RANBP2: variants seen among roughly 807,000 people sequenced by gnomAD.
The protein encoded by RANBP2 is RAN binding protein 2, also known as E3 SUMO-protein ligase RanBP2.
In RANBP2, 57 loss-of-function variants were observed where a neutral mutation model predicts 303.6. The observed-to-expected ratio is 0.19, with a 90% CI of 0.15 to 0.23. The LOEUF (loss-of-function observed/expected upper bound fraction) is 0.23, where lower values mean the gene tolerates loss of function less well. Among genes scored for constraint, RANBP2 ranks in the 10% least tolerant of loss-of-function variants. The pLI, the probability that RANBP2 is intolerant of heterozygous loss-of-function variation, is 1.00. For missense variants in RANBP2, 3,138 were observed against 3,780.8 expected (o/e 0.83, Z 4.46); for synonymous variants, 1,167 against 1,301.5 (o/e 0.90, Z 2.23).
At chr2:108,772,832 C>G in intron 22 of RANBP2, 36 bp from the exon 23 acceptor site, 1 of 1,604,190 alleles carries the variant, frequency 6.2e-7, no homozygotes. Flanking sequence ...TGGGCTTCAT[C>G]TAATTTCGTT....
chr2:109,442,304 C>G, the RANBP2 span, among the ~76,000 whole-genome samples: 1 of 144,170 alleles, frequency 6.9e-6, no homozygotes. Context: ...GAGTGAGACT[C>G]CACCTCAAAA....
At chr2:108,885,723 G>A in the RANBP2 span, among the ~76,000 whole-genome samples, 1 of 152,254 alleles carries the variant, frequency 6.6e-6, no homozygotes, top group South Asian at 2.1e-4. Flanking sequence ...CTTACTGTAT[G>A]TTTGTACACT....
chr2:109,046,036 G>T, the RANBP2 span, among the ~76,000 whole-genome samples: 5 of 152,118 alleles, frequency 3.3e-5, no homozygotes, highest in African/African-American at 1.2e-4. Context: ...CGGGCATGGT[G>T]TCTCACACCT....
chr2:109,373,706 G>A, the RANBP2 span, among the ~76,000 whole-genome samples: 1 of 152,152 alleles, frequency 6.6e-6, no homozygotes, highest in African/African-American at 2.4e-5. Flanking sequence ...CCTGATCTCG[G>A]GAGAGCTGCA....
chr2:109,332,026 G>A, the RANBP2 span, among the ~76,000 whole-genome samples: 1 of 152,164 alleles, frequency 6.6e-6, no homozygotes, highest in Non-Finnish European at 1.5e-5. Flanking sequence ...AGCGGTTACC[G>A]GAAATCTGTG....
At chr2:109,615,460 T>G in the RANBP2 span, 12 of 1,613,244 alleles carry the variant, frequency 7.4e-6, no homozygotes, top group South Asian at 1.1e-5. Flanking sequence ...CTAGTCAACT[T>G]CGCCAACAAA....
At chr2:109,410,727 G>A in the RANBP2 span, among the ~76,000 whole-genome samples, 3 of 152,238 alleles carry the variant, frequency 2.0e-5, no homozygotes, top group East Asian at 3.8e-4. Flanking sequence ...CCATTATGGA[G>A]CCTTTTAAAA....
the RANBP2 span, among the ~76,000 whole-genome samples, chr2:108,819,412 C>T: frequency 6.6e-6 from 1 of 152,194 alleles, no homozygotes; most frequent in African/African-American, 2.4e-5. Context: ...GACTGGTCTG[C>T]ATCTCACCTC....
chr2:109,245,185 C>T, the RANBP2 span, among the ~76,000 whole-genome samples: 52 of 152,258 alleles, frequency 3.4e-4, no homozygotes, highest in Non-Finnish European at 6.9e-4. Flanking sequence ...CATGTGGCTT[C>T]TGTGCTCCTG....
chr2:108,753,192 T>C (rs756228547), intron 13 of RANBP2, 33 bp downstream of exon 13: 5 of 1,611,456 alleles, frequency 3.1e-6, no homozygotes, highest in South Asian at 1.1e-5. Context: ...TTATTGGAGA[T>C]GGGAATTTCC....
the RANBP2 span, among the ~76,000 whole-genome samples, chr2:108,962,211 G>A: frequency 6.1e-3 from 934 of 152,324 alleles, 12 homozygotes; most frequent in African/African-American, 0.022. Flanking sequence ...ATTGCGCTGA[G>A]ATGCTCGGAC....
chr2:108,907,661 AC>A, the RANBP2 span, among the ~76,000 whole-genome samples: 4 of 145,950 alleles, frequency 2.7e-5, no homozygotes, highest in East Asian at 2.0e-4. Context: ...AAAAAAAAAA[AC>A]AAAACTCAAA....
the RANBP2 span, among the ~76,000 whole-genome samples, chr2:109,052,321 C>A: frequency 6.6e-6 from 1 of 152,084 alleles, no homozygotes; most frequent in Non-Finnish European, 1.5e-5. Flanking sequence ...TAAAAATAAA[C>A]GCAGATGGTA....
At chr2:108,817,624 C>T in the RANBP2 span, among the ~76,000 whole-genome samples, 4 of 152,190 alleles carry the variant, frequency 2.6e-5, no homozygotes, top group African/African-American at 9.6e-5. Context: ...GAATTGCCCT[C>T]AGCTGACAGT....
the RANBP2 span, among the ~76,000 whole-genome samples, chr2:109,736,851 C>A: frequency 5.3e-5 from 8 of 151,954 alleles, no homozygotes; most frequent in Non-Finnish European, 1.0e-4. Flanking sequence ...ATGGTCACTC[C>A]CTTCAGCCCA....
chr2:108,843,174 T>C, the RANBP2 span, among the ~76,000 whole-genome samples: 1 of 152,078 alleles, frequency 6.6e-6, no homozygotes, highest in Non-Finnish European at 1.5e-5. Flanking sequence ...TCTTTTTCTT[T>C]TGAGGCAGGG....
At chr2:108,886,672 A>G in the RANBP2 span, among the ~76,000 whole-genome samples, 1 of 151,800 alleles carries the variant, frequency 6.6e-6, no homozygotes, top group African/African-American at 2.4e-5. Flanking sequence ...TCGGCCTCCC[A>G]AAGTGCTGGG....
the RANBP2 span, among the ~76,000 whole-genome samples, chr2:109,340,299 C>T: frequency 5.9e-5 from 9 of 152,098 alleles, no homozygotes; most frequent in Admixed American, 1.3e-4. Context: ...CTGTAAGGAT[C>T]CTGTGGGTCT....
At chr2:109,578,420 A>G in the RANBP2 span, among the ~76,000 whole-genome samples, 1 of 152,236 alleles carries the variant, frequency 6.6e-6, no homozygotes, top group Non-Finnish European at 1.5e-5. Context: ...ACTACGTAAT[A>G]ATAAAAGTGT....
Sources: allele counts gnomAD v4.1 joint callset (sites outside exome capture counted in the v4.1 genomes callset), GRCh38; gene constraint gnomAD v4.1.1; transcripts MANE v1.5; gene names NCBI Gene and HGNC (gene_info 2026-07-23, HGNC 2026-07-21).